WDR97: variants seen among roughly 807,000 people sequenced by gnomAD.
WDR97 encodes the protein WD repeat-containing protein 97.
Under a neutral mutation model 65.4 loss-of-function variants are expected in WDR97, and 111 were observed. The observed-to-expected ratio is 1.70, with a 90% CI of 1.45 to 1.99. The LOEUF (loss-of-function observed/expected upper bound fraction) is 1.99. Among genes scored for constraint, WDR97 ranks in the 30% most tolerant of loss-of-function variants. The pLI, the probability that WDR97 is intolerant of heterozygous loss-of-function variation, is 0.00. For missense variants in WDR97, 1,674 were observed against 865.0 expected (o/e 1.94, Z -11.73); for synonymous variants, 802 against 397.7 (o/e 2.02, Z -12.10).
chr8:144,113,435 T>G lies in WDR97; in HGVS notation c.3106-5T>G, dbSNP rs765381888. On this transcript the variant is annotated splice_polypyrimidine_tract_variant and splice_region_variant and intron_variant, in intron 15 of 23. Transcript: ENST00000323662. ...CTCAGCATTCCCTGCTGTGCCCACCTCCAGCACTGCCTGAGGCCCATCTGC... is the reference window on the plus strand; with the variant it reads ...CTCAGCATTCCCTGCTGTGCCCACCGCCAGCACTGCCTGAGGCCCATCTGC... The G allele has an allele frequency of 4.1e-5, 29 of 702,050 alleles. No homozygotes were observed. The highest frequency in any genetic ancestry group is 7.0e-5 in the Non-Finnish European group (27 of 384,882). The allele number at this position is 702,050 out of a possible 1,614,324, so 43.5% of individuals were successfully genotyped here. A position where few individuals can be genotyped will look rare whatever the true frequency, so the allele number is the denominator to read the frequency against.
In WDR97 at chr8:144,109,362, C is replaced by A. The variant is rs1031251870; in HGVS notation, c.1028C>A (p.Pro343Gln). 4.3e-6 allele frequency: 3 copies of A among 702,518 alleles called. No individual in the cohort carries two copies. In the South Asian group the frequency reaches 4.4e-5, roughly 10 times the overall value. 43.5% of individuals were successfully genotyped at this position (702,518 alleles called of 1,614,324 possible). The change falls in exon 5 of 24, where the codon CCG (proline) becomes CAG (glutamine). Residue 343 changes from proline (P) to glutamine (Q), a missense_variant. By Grantham distance (76) the Pro-to-Gln change is moderately conservative. Coordinates refer to ENST00000323662, the MANE Select transcript of WDR97 (RefSeq NM_001316309.2). ...TGPVTAMTVL[P>Q]NTTLVLSASQ... ...CCGGTGACGGCTATGACTGTGCTCCCGAACACGACCCTGGTGTTGTCGGCC... is the reference window on the plus strand; with the variant it reads ...CCGGTGACGGCTATGACTGTGCTCCAGAACACGACCCTGGTGTTGTCGGCC...
Position 144,113,731 on chromosome 8 carries a change from C to G in WDR97, c.3258C>G (p.Leu1086=), listed in dbSNP as rs543205936. 1 of 696,768 alleles carries G rather than the reference C, an allele frequency of 1.4e-6. No individual in the cohort carries two copies. Among genetic ancestry groups the G allele is most frequent in the Non-Finnish European group, 2.6e-6 (1 of 381,664 alleles). 43.2% of individuals were successfully genotyped at this position (696,768 alleles called of 1,614,324 possible). A position where few individuals can be genotyped will look rare whatever the true frequency, so the allele number is the denominator to read the frequency against. ...AAACCCAGTGGCAGAGGAAGCTGCT[C>G]CAATGGATGGGGGAGAAGCCTGGGG... ...PSQTQWQRKL[L]QWMGEKPGEE... Residue 1086 remains leucine, a synonymous_variant, in exon 17 of 24, where the codon CTC becomes CTG. Coordinates refer to ENST00000323662, the MANE Select transcript of WDR97 (RefSeq NM_001316309.2).
rs1429159940 is a variant in WDR97 at position 144,109,873 on chromosome 8, C to G, written c.1539C>G (p.Arg513=). 1.4e-6 allele frequency: 1 copy of G among 700,626 alleles called. No individual in the cohort carries two copies. Among genetic ancestry groups the G allele is most frequent in the Non-Finnish European group, 2.6e-6 (1 of 383,908 alleles). 43.4% of individuals were successfully genotyped at this position (700,626 alleles called of 1,614,324 possible). ...AARCPMSVLH[R]VCPPPPPAPQ... ...GCTGCCCCATGAGCGTGCTGCACCG[C>G]GTGTGCCCGCCGCCGCCCCCTGCGC... Residue 513 remains arginine, a synonymous_variant, in exon 5 of 24, where the codon CGC becomes CGG. Transcript: ENST00000323662.
chr8:144,111,056 C>G (rs768162555), intron 9 of WDR97, 45 bp from the exon 10 acceptor site: 1 of 702,638 alleles, frequency 1.4e-6, no homozygotes, highest in Non-Finnish European at 2.6e-6. Context: ...GGGGGGCAGA[C>G]CCAGGTTCCC....
At position 144,117,070 on chromosome 8, in the gene WDR97, C is replaced by T. The variant is rs1297764767; in HGVS notation, c.*777C>T. 1 of 152,304 alleles carries T rather than the reference C, an allele frequency of 6.6e-6. No homozygotes were observed. Among genetic ancestry groups the T allele is most frequent in the Non-Finnish European group, 1.5e-5 (1 of 68,096 alleles). The allele number at this position is 152,304 out of a possible 1,614,324, so 9.4% of individuals were successfully genotyped here. A position where few individuals can be genotyped will look rare whatever the true frequency, so the allele number is the denominator to read the frequency against. On this transcript the variant is annotated 3_prime_UTR_variant, in exon 24 of 24. Transcript: ENST00000323662. ...GACTTTACTAGTTTCTTCTTGATGG[C>T]TCTGGTTAGAATCGCTTCTCCACAC...
At position 144,109,645 on chromosome 8, in the gene WDR97, T is replaced by G; in HGVS notation, c.1311T>G (p.Pro437=). ...HVQVAPALPA[P]AHQSLPTRLV... ...AGGTGGCGCCCGCGTTGCCCGCGCC[T>G]GCGCACCAGTCGCTGCCTACGCGCC... Residue 437 remains proline, a synonymous_variant, in exon 5 of 24, where the codon CCT becomes CCG. Coordinates refer to ENST00000323662, the MANE Select transcript of WDR97 (RefSeq NM_001316309.2). 1.5e-6 allele frequency: 1 copy of G among 673,170 alleles called. No individual in the cohort carries two copies. Among genetic ancestry groups the G allele is most frequent in the Non-Finnish European group, 2.7e-6 (1 of 372,282 alleles). The allele number at this position is 673,170 out of a possible 1,614,324, so 41.7% of individuals were successfully genotyped here.
chr8:144,110,094 C>T lies in WDR97; in HGVS notation c.1701-20C>T. On this transcript the variant is annotated intron_variant, in intron 5 of 23. Coordinates refer to ENST00000323662, the MANE Select transcript of WDR97 (RefSeq NM_001316309.2). ...GAAGGAGCGGCAGGGTCCGCGCCAA[C>T]AGGCTCTTCCCACTCGCAGGTACCT... The T allele has an allele frequency of 1.4e-6, 1 of 700,958 alleles. No individual in the cohort carries two copies. Among genetic ancestry groups the T allele is most frequent in the Non-Finnish European group, 2.6e-6 (1 of 383,800 alleles). 43.4% of individuals were successfully genotyped at this position (700,958 alleles called of 1,614,324 possible). A position where few individuals can be genotyped will look rare whatever the true frequency, so the allele number is the denominator to read the frequency against.
rs915917608 is a variant in WDR97, at chr8:144,116,493, A to G, written c.*200A>G. The G allele has an allele frequency of 4.4e-5, 22 of 496,800 alleles. No homozygotes were observed. The highest frequency in any genetic ancestry group is 4.1e-4 in the African/African-American group (20 of 49,214). 30.8% of individuals were successfully genotyped at this position (496,800 alleles called of 1,614,324 possible). A position where few individuals can be genotyped will look rare whatever the true frequency, so the allele number is the denominator to read the frequency against. ...AAGGCAGGAGCCGGAGGCCTGGCGG[A>G]GGTGGCCATCGTGGGCACCAGCGTT... is the stretch of plus-strand genomic sequence containing the variant. On this transcript the variant is annotated 3_prime_UTR_variant, in exon 24 of 24. Transcript: ENST00000323662.
chr8:144,111,648 T>C lies in WDR97; in HGVS notation c.2504T>C (p.Val835Ala). 1.4e-6 allele frequency: 1 copy of C among 693,276 alleles called. No individual in the cohort carries two copies. Among genetic ancestry groups the C allele is most frequent in the East Asian group, 2.7e-5 (1 of 37,138 alleles). 42.9% of individuals were successfully genotyped at this position (693,276 alleles called of 1,614,324 possible). A position where few individuals can be genotyped will look rare whatever the true frequency, so the allele number is the denominator to read the frequency against. The change falls in exon 12 of 24, where the codon GTG (valine) becomes GCG (alanine). Residue 835 changes from valine (V) to alanine (A), a missense_variant. Transcript: ENST00000323662. ...CTGACTCAGGACTTGGACGCCATAG[T>C]GGCCCGGGACCGAGACCTTCAGCAG... Reference protein sequence around the residue: ...LVPKEDLDAIVARDRDLQQLR... With the variant: ...LVPKEDLDAIAARDRDLQQLR...
rs1263942590 is a variant in WDR97 at position 144,118,101 on chromosome 8, T to C, written c.*1808T>C. Reference sequence around the variant, plus strand: ...GCCAGGAACTGTGGATGGAAACCAATGACAGATATCATAATATCACACCCA... The same window carrying C: ...GCCAGGAACTGTGGATGGAAACCAACGACAGATATCATAATATCACACCCA... On this transcript the variant is annotated 3_prime_UTR_variant, in exon 24 of 24. Coordinates refer to ENST00000323662, the MANE Select transcript of WDR97 (RefSeq NM_001316309.2). The C allele has an allele frequency of 2.0e-5, 3 of 152,140 alleles. No individual in the cohort carries two copies. The highest frequency in any genetic ancestry group is 4.4e-5 in the Non-Finnish European group (3 of 68,034). The allele number at this position is 152,140 out of a possible 1,614,324, so 9.4% of individuals were successfully genotyped here. A position where few individuals can be genotyped will look rare whatever the true frequency, so the allele number is the denominator to read the frequency against.
Position 144,109,168 on chromosome 8 carries a change from C to A in WDR97, c.998C>A (p.Thr333Lys). 1 of 702,936 alleles carries A rather than the reference C, an allele frequency of 1.4e-6. No individual in the cohort carries two copies. 43.5% of individuals were successfully genotyped at this position (702,936 alleles called of 1,614,324 possible). The change falls in exon 4 of 24, where the codon ACA becomes AAA. Residue 333 changes from threonine to lysine, a missense_variant and splice_region_variant. Coordinates refer to ENST00000323662, the MANE Select transcript of WDR97 (RefSeq NM_001316309.2). ...ATCCGGATGGTGTTCGTGGGCCACA[C>A]AGGTGCTCTGAGTTCTCTGCACCCC... Reference protein sequence around the residue: ...WQIRMVFVGHTGPVTAMTVLP... With the variant: ...WQIRMVFVGHKGPVTAMTVLP...
At chr8:144,111,511 C>A in intron 11 of WDR97, 25 bp downstream of exon 11, 1 of 700,196 alleles carries the variant, frequency 1.4e-6, no homozygotes, top group South Asian at 1.5e-5. Context: ...CCTTAGCCCG[C>A]CCTGCCCCGG....
In WDR97 at chr8:144,116,468, A is replaced by C. The variant is rs1587631304; in HGVS notation, c.*175A>C. ...CGGCCTGAACCCACAGTGGCGGCGG[A>C]AGGCAGGAGCCGGAGGCCTGGCGGA... On this transcript the variant is annotated 3_prime_UTR_variant, in exon 24 of 24. Coordinates refer to ENST00000323662, the MANE Select transcript of WDR97 (RefSeq NM_001316309.2). 4.0e-6 allele frequency: 2 copies of C among 497,942 alleles called. No homozygotes were observed. The highest frequency in any genetic ancestry group is 4.1e-5 in the African/African-American group (2 of 49,274). 30.8% of individuals were successfully genotyped at this position (497,942 alleles called of 1,614,324 possible).
In WDR97 at chr8:144,116,298, A is replaced by G. The variant is rs1132230; in HGVS notation, c.*5A>G. On this transcript the variant is annotated 3_prime_UTR_variant, in exon 24 of 24. Coordinates refer to ENST00000323662, the MANE Select transcript of WDR97 (RefSeq NM_001316309.2). ...GACCCTGACACCTACAGCTGACCGGACTGGTGGCCTCAGCCCGCCTGGCTC... is the reference window on the plus strand; with the variant it reads ...GACCCTGACACCTACAGCTGACCGGGCTGGTGGCCTCAGCCCGCCTGGCTC... 0.97 allele frequency: 589,166 copies of G among 607,826 alleles called. 287,792 individuals are homozygous for G. Among genetic ancestry groups the G allele is most frequent in the East Asian group, 1 (35,261 of 35,262 alleles). The allele number at this position is 607,826 out of a possible 1,614,324, so 37.7% of individuals were successfully genotyped here.
rs1231083717 is a variant in WDR97 at position 144,116,561 on chromosome 8, GGGTAC to G, written c.*269_*273del. 2.9e-4 allele frequency: 119 copies of G among 414,012 alleles called. No individual in the cohort carries two copies. The highest frequency in any genetic ancestry group is 2.3e-3 in the African/African-American group (111 of 48,066). The allele number at this position is 414,012 out of a possible 1,614,324, so 25.6% of individuals were successfully genotyped here. ...CCTAGGGCAGAGGAGACCCATAGCG[GGGTAC>G]CATCCGCTGGGCACTGAGCAAACGT... On this transcript the variant is annotated 3_prime_UTR_variant, in exon 24 of 24. Transcript: ENST00000323662.
rs551025595 is a variant in WDR97, at chr8:144,111,479, C to A, written c.2480C>A (p.Pro827Gln). The A allele has an allele frequency of 5.7e-6, 4 of 702,646 alleles. No homozygotes were observed. The highest frequency in any genetic ancestry group is 2.3e-4 in the Middle Eastern group (1 of 4,370). 43.5% of individuals were successfully genotyped at this position (702,646 alleles called of 1,614,324 possible). A position where few individuals can be genotyped will look rare whatever the true frequency, so the allele number is the denominator to read the frequency against. The change falls in exon 11 of 24, where the codon CCG becomes CAG. Residue 827 changes from proline (P) to glutamine (Q), a missense_variant. Coordinates refer to ENST00000323662, the MANE Select transcript of WDR97 (RefSeq NM_001316309.2). ...RRRATSQHLV[P>Q]KEDLDAIVAR... is the part of the protein sequence containing the mutation. ...AGGGCAACATCTCAGCACCTGGTGC[C>A]GAAGGAGGTGGGGTGGGTCCTCCTT...
rs370041850 is a variant in WDR97, at chr8:144,114,574, C to T, written c.3813C>T (p.Phe1271=). ...PSLQDQTQKK[F]VILALQLLLA... ...CTCAGGACCAGACACAGAAGAAGTT[C>T]GTGATACTGGCGCTGCAGCTGCTCC... Residue 1271 remains phenylalanine (F), a synonymous_variant, in exon 20 of 24, where the codon TTC becomes TTT. Coordinates refer to ENST00000323662, the MANE Select transcript of WDR97 (RefSeq NM_001316309.2). 264 of 702,852 alleles carry T rather than the reference C, an allele frequency of 3.8e-4. 1 individual carries two copies. The highest frequency in any genetic ancestry group is 5.6e-4 in the Non-Finnish European group (214 of 384,990). 43.5% of individuals were successfully genotyped at this position (702,852 alleles called of 1,614,324 possible). A position where few individuals can be genotyped will look rare whatever the true frequency, so the allele number is the denominator to read the frequency against.
Position 144,108,385 on chromosome 8 carries a change from G to A in WDR97, c.319G>A (p.Ala107Thr). 2.9e-6 allele frequency: 2 copies of A among 697,562 alleles called. No individual in the cohort carries two copies. Among genetic ancestry groups the A allele is most frequent in the East Asian group, 2.7e-5 (1 of 37,152 alleles). 43.2% of individuals were successfully genotyped at this position (697,562 alleles called of 1,614,324 possible). Residue 107 changes from alanine (A) to threonine (T), a missense_variant, in exon 3 of 24, where the codon GCA (alanine) becomes ACA (threonine). Physicochemically the swap from Ala to Thr is moderately conservative, Grantham distance 58. Transcript: ENST00000323662. ...GLEPLRRLEV[A>T]AGLRSVAQDP... ...GGAACCACTGCGCCGCCTGGAGGTGGCAGCCGGGCTGCGCTCGGTGGCGCA... is the reference window on the plus strand; with the variant it reads ...GGAACCACTGCGCCGCCTGGAGGTGACAGCCGGGCTGCGCTCGGTGGCGCA...
chr8:144,115,321 C>T lies in WDR97; in HGVS notation c.4078-20C>T. Reference sequence around the variant, plus strand: ...CTGCCCAAGGTCTCTAAGACCTTAGCACTTTCCTCTCCTCCCAAGGAGACC... The same window carrying T: ...CTGCCCAAGGTCTCTAAGACCTTAGTACTTTCCTCTCCTCCCAAGGAGACC... On this transcript the variant is annotated intron_variant, in intron 21 of 23. Coordinates refer to ENST00000323662, the MANE Select transcript of WDR97 (RefSeq NM_001316309.2). 1 of 593,376 alleles carries T rather than the reference C, an allele frequency of 1.7e-6. No individual in the cohort carries two copies. The highest frequency in any genetic ancestry group is 3.0e-6 in the Non-Finnish European group (1 of 331,918). The allele number at this position is 593,376 out of a possible 1,614,324, so 36.8% of individuals were successfully genotyped here.
Sources: gnomAD v4.1 joint callset for allele counts on GRCh38, gnomAD v4.1.1 for gene constraint, MANE v1.5 for transcripts, NCBI Gene and HGNC (gene_info 2026-07-23, HGNC 2026-07-21) for gene names.